The following MAF variants were observed in gnomAD, a reference collection of about 807,000 sequenced individuals.
The protein encoded by MAF is transcription factor Maf.
Under a neutral mutation model 22.0 loss-of-function variants are expected in MAF, and 10 were observed. The ratio of observed to expected loss-of-function variants is 0.45; its 90% CI spans 0.28 to 0.77. The LOEUF (loss-of-function observed/expected upper bound fraction) is 0.77, where lower values mean the gene tolerates loss of function less well. Ranked by LOEUF, MAF falls within the 30% of genes least tolerant of loss-of-function variation. The pLI is 0.12. For missense variants in MAF, 544 were observed against 548.4 expected (o/e 0.99, Z 0.08); for synonymous variants, 337 against 255.8 (o/e 1.32, Z -3.03).
At chr16:79,447,905 A>AAAAAAAG in the MAF span, among the ~76,000 whole-genome samples, 5 of 85,820 alleles carry the variant, frequency 5.8e-5, no homozygotes, top group Non-Finnish European at 1.0e-4. Context: ...AAAAAAAAAA[A>AAAAAAAG]AAAAGAAAAG....
the MAF span, among the ~76,000 whole-genome samples, chr16:79,304,927 T>A: frequency 4.6e-5 from 7 of 152,278 alleles, no homozygotes; most frequent in Admixed American, 2.0e-4. Flanking sequence ...GGCGCCTTAA[T>A]AATAAATAGG....
At chr16:79,590,112 C>G (rs1160628025), downstream of MAF, among the ~76,000 whole-genome samples, 2 of 152,180 alleles carry the variant, frequency 1.3e-5, no homozygotes, top group Admixed American at 6.5e-5. Context: ...CTGCAGCCAC[C>G]AGGCTCGGGC....
the MAF span, among the ~76,000 whole-genome samples, chr16:79,442,827 C>T: frequency 1.3e-5 from 2 of 152,182 alleles, no homozygotes; most frequent in Non-Finnish European, 2.9e-5. Context: ...CAGCTTCATT[C>T]TCCAAAGGGT....
the MAF span, among the ~76,000 whole-genome samples, chr16:79,354,953 G>A: frequency 6.6e-6 from 1 of 150,702 alleles, no homozygotes; most frequent in Non-Finnish European, 1.5e-5. Context: ...CCAAGTGCTG[G>A]CAAAGCTCTT....
At chr16:79,328,411 C>T in the MAF span, among the ~76,000 whole-genome samples, 2 of 152,176 alleles carry the variant, frequency 1.3e-5, no homozygotes, top group East Asian at 1.9e-4. Context: ...GAAACAGGGG[C>T]AAAAGGAGAA....
chr16:79,484,745 G>C, the MAF span, among the ~76,000 whole-genome samples: 2 of 152,244 alleles, frequency 1.3e-5, no homozygotes, highest in African/African-American at 4.8e-5. Context: ...TCCACAGCTA[G>C]AGCCGGTGGA....
At chr16:79,448,580 A>G in the MAF span, among the ~76,000 whole-genome samples, 1 of 151,714 alleles carries the variant, frequency 6.6e-6, no homozygotes, top group African/African-American at 2.4e-5. Flanking sequence ...TGCCTGCCAC[A>G]ATGCCCAGTT....
chr16:79,499,779 T>C, the MAF span, among the ~76,000 whole-genome samples: 1 of 152,188 alleles, frequency 6.6e-6, no homozygotes, highest in East Asian at 1.9e-4. Context: ...AGCTACCCAA[T>C]ATTTTGTTTC....
At chr16:79,401,440 G>C in the MAF span, among the ~76,000 whole-genome samples, 1 of 152,150 alleles carries the variant, frequency 6.6e-6, no homozygotes, top group Non-Finnish European at 1.5e-5. Context: ...GAGTCACACA[G>C]TCTTCAAGTG....
chr16:79,286,765 C>T, the MAF span, among the ~76,000 whole-genome samples: 3 of 152,310 alleles, frequency 2.0e-5, no homozygotes, highest in East Asian at 3.9e-4. Context: ...CCCGTTCTCA[C>T]ATGGCCGTAT....
chr16:79,371,892 T>C, the MAF span, among the ~76,000 whole-genome samples: 1 of 152,196 alleles, frequency 6.6e-6, no homozygotes, highest in Admixed American at 6.5e-5. Context: ...CTCTGCCTGT[T>C]GGTAGGTTAT....
the MAF span, among the ~76,000 whole-genome samples, chr16:79,318,713 G>A: frequency 6.6e-6 from 1 of 152,138 alleles, no homozygotes; most frequent in Non-Finnish European, 1.5e-5. Flanking sequence ...TCACTTAACA[G>A]TATTTGCACC....
At chr16:79,512,332 G>A in the MAF span, among the ~76,000 whole-genome samples, 1 of 152,148 alleles carries the variant, frequency 6.6e-6, no homozygotes, top group Non-Finnish European at 1.5e-5. Context: ...TTTCAAGCCA[G>A]CTCAGGGTAC....
chr16:79,531,054 C>T, the MAF span, among the ~76,000 whole-genome samples: 5 of 152,164 alleles, frequency 3.3e-5, no homozygotes, highest in Non-Finnish European at 5.9e-5. Context: ...CCTAAATATC[C>T]GGCCTTATCA....
chr16:79,206,934 G>C, the MAF span, among the ~76,000 whole-genome samples: 8 of 152,212 alleles, frequency 5.3e-5, no homozygotes, highest in Non-Finnish European at 1.2e-4. Flanking sequence ...GCCTTTTGGA[G>C]CAGTTTGCTT....
the MAF span, among the ~76,000 whole-genome samples, chr16:79,227,434 C>G: frequency 8.5e-5 from 13 of 152,104 alleles, 1 homozygote; most frequent in Admixed American, 2.6e-4. Context: ...CACCATCTCC[C>G]TGTGACTTTG....
At chr16:79,274,266 T>G in the MAF span, among the ~76,000 whole-genome samples, 1 of 151,198 alleles carries the variant, frequency 6.6e-6, no homozygotes, top group Admixed American at 6.6e-5. Context: ...TTTTTTTTTT[T>G]TAATTTTCAG....
At chr16:79,231,677 A>C in the MAF span, among the ~76,000 whole-genome samples, 1 of 152,112 alleles carries the variant, frequency 6.6e-6, no homozygotes, top group African/African-American at 2.4e-5. Flanking sequence ...TATATGGAAC[A>C]TGCTGTTCTC....
the MAF span, among the ~76,000 whole-genome samples, chr16:79,264,864 C>A: frequency 2.6e-5 from 4 of 152,212 alleles, no homozygotes; most frequent in East Asian, 5.8e-4. Context: ...CAGTTCCCTC[C>A]ACCCCACAGT....
Sources: gnomAD v4.1 joint callset for allele counts (sites outside exome capture counted in the v4.1 genomes callset) on GRCh38, gnomAD v4.1.1 for gene constraint, MANE v1.5 for transcripts, NCBI Gene and HGNC (gene_info 2026-07-23, HGNC 2026-07-21) for gene names.